Variants in ZRANB3 observed in about 807,000 individuals in gnomAD.
ZRANB3 encodes DNA annealing helicase and endonuclease ZRANB3.
A neutral mutation model predicts 133.8 loss-of-function variants in ZRANB3; 125 were observed. The ratio of observed to expected loss-of-function variants is 0.93; its 90% CI spans 0.81 to 1.08. The LOEUF (loss-of-function observed/expected upper bound fraction) is 1.08. Among genes scored for constraint, ZRANB3 ranks in the 50% least tolerant of loss-of-function variants. The probability of loss-of-function intolerance (pLI) is 0.00; values close to 1 mark genes in which losing one functional copy is unlikely to be tolerated. For missense variants in ZRANB3, 1,229 were observed against 1,275.5 expected (o/e 0.96, Z 0.56); for synonymous variants, 387 against 432.7 (o/e 0.89, Z 1.31).
chr2:135,249,938 G>A (rs1462094185), intron 12 of ZRANB3, among the ~76,000 whole-genome samples: 1 of 152,204 alleles, frequency 6.6e-6, no homozygotes. Context: ...ACCTGAAAAT[G>A]TGGAAGCGAC....
chr2:135,439,843 ACCAC>A (rs1191823022), intron 2 of ZRANB3, among the ~76,000 whole-genome samples: 6 of 152,190 alleles, frequency 3.9e-5, no homozygotes, highest in Non-Finnish European at 7.4e-5. Flanking sequence ...AAGTTTCAGA[ACCAC>A]TACATAGGAT....
chr2:135,376,025 A>T (rs1686414316), intron 3 of ZRANB3, among the ~76,000 whole-genome samples: 1 of 152,172 alleles, frequency 6.6e-6, no homozygotes, highest in African/African-American at 2.4e-5. Flanking sequence ...TATTAGAGTA[A>T]CCTTAATTCA....
At chr2:135,462,081 T>C (rs915213112) in intron 2 of ZRANB3, among the ~76,000 whole-genome samples, 5 of 152,246 alleles carry the variant, frequency 3.3e-5, no homozygotes, top group African/African-American at 1.2e-4. Flanking sequence ...CAATTTAAAG[T>C]AGACTAAAAA....
intron 2 of ZRANB3, among the ~76,000 whole-genome samples, chr2:135,451,122 G>C (rs1199958681): frequency 6.6e-6 from 1 of 152,178 alleles, no homozygotes; most frequent in Non-Finnish European, 1.5e-5. Flanking sequence ...AGTCCTATTT[G>C]ACGAAAGTTA....
chr2:135,215,999 G>A (rs907236664), intron 17 of ZRANB3, among the ~76,000 whole-genome samples: 15 of 151,802 alleles, frequency 9.9e-5, no homozygotes, highest in Admixed American at 2.6e-4. Context: ...AGAGAAACCC[G>A]TGATAAGAAT....
chr2:135,228,030 A>T lies in ZRANB3; in HGVS notation c.1955-15T>A, dbSNP rs1694827615. 1 of 1,491,812 alleles carries T rather than the reference A, an allele frequency of 6.7e-7. No homozygotes were observed. The highest frequency in any genetic ancestry group is 1.4e-5 in the African/African-American group (1 of 70,644). 92.4% of individuals were successfully genotyped at this position (1,491,812 alleles called of 1,614,324 possible). A position where few individuals can be genotyped will look rare whatever the true frequency, so the allele number is the denominator to read the frequency against. ...TATTTGCATAACTATTAAAATAAAAATTATTACAAAAATGTAATAATTTAC... is the reference window on the plus strand; with the variant it reads ...TATTTGCATAACTATTAAAATAAAATTTATTACAAAAATGTAATAATTTAC... On this transcript the variant is annotated splice_polypyrimidine_tract_variant and intron_variant, in intron 13 of 20. Transcript: ENST00000264159.
At chr2:135,313,661 T>G (rs1262183322) in intron 7 of ZRANB3, 56 bp from the exon 8 acceptor site, 1 of 1,125,128 alleles carries the variant, frequency 8.9e-7, no homozygotes, top group Non-Finnish European at 1.3e-6. Context: ...CAGAACAAAT[T>G]AATGCAATCA....
At chr2:135,433,937 C>T (rs555083788) in intron 2 of ZRANB3, among the ~76,000 whole-genome samples, 81 of 152,246 alleles carry the variant, frequency 5.3e-4, no homozygotes, top group African/African-American at 1.8e-3. Context: ...GCGGAGGTTG[C>T]GGTGAGTTGA....
intron 2 of ZRANB3, among the ~76,000 whole-genome samples, chr2:135,421,220 T>C (rs1388233976): frequency 6.6e-6 from 1 of 152,180 alleles, no homozygotes; most frequent in East Asian, 1.9e-4. Flanking sequence ...ACTGAACTGC[T>C]TGTAAAATTC....
At chr2:135,410,887 C>T (rs972404539) in intron 2 of ZRANB3, among the ~76,000 whole-genome samples, 3 of 152,070 alleles carry the variant, frequency 2.0e-5, no homozygotes, top group African/African-American at 7.2e-5. Context: ...TTGACGAATG[C>T]AAACTAAAAC....
rs900527075 is a variant in ZRANB3, at chr2:135,208,959, C to T, written c.2515G>A (p.Val839Ile). 2.5e-6 allele frequency: 4 copies of T among 1,613,938 alleles called. No homozygotes were observed. The highest frequency in any genetic ancestry group is 2.5e-6 in the Non-Finnish European group (3 of 1,179,846). ...CTKRYITKED[V>I]AVASMDKVKN... is the part of the protein sequence containing the mutation. ...ACTTTGTCCATTGAGGCTACGGCAA[C>T]ATCTTCTTTGGTTATGTATCTAAAA... The change falls in exon 18 of 21, where the codon GTT becomes ATT. Residue 839 changes from valine to isoleucine, a missense_variant. Coordinates refer to ENST00000264159, the MANE Select transcript of ZRANB3 (RefSeq NM_032143.4).
chr2:135,398,584 T>C (rs566520861), intron 2 of ZRANB3, among the ~76,000 whole-genome samples: 10 of 148,488 alleles, frequency 6.7e-5, no homozygotes, highest in African/African-American at 2.6e-4. Context: ...AGTGGCGCTA[T>C]CTCGGCTCAC....
intron 2 of ZRANB3, among the ~76,000 whole-genome samples, chr2:135,436,947 G>C (rs1455464499): frequency 2.0e-5 from 3 of 152,132 alleles, no homozygotes; most frequent in African/African-American, 7.2e-5. Context: ...ATCAATACTA[G>C]AATGGATAAA....
intron 2 of ZRANB3, among the ~76,000 whole-genome samples, chr2:135,475,325 C>A (rs1280216812): frequency 1.3e-5 from 2 of 152,204 alleles, no homozygotes; most frequent in African/African-American, 4.8e-5. Flanking sequence ...CCTCTTCCTG[C>A]CCTCCATCCA....
chr2:135,369,465 C>T (rs1225271282), intron 3 of ZRANB3, among the ~76,000 whole-genome samples: 1 of 152,086 alleles, frequency 6.6e-6, no homozygotes, highest in Non-Finnish European at 1.5e-5. Flanking sequence ...AACTTCTGAA[C>T]CACTGATGAG....
chr2:135,285,602 C>T (rs1210417926), intron 8 of ZRANB3, among the ~76,000 whole-genome samples: 1 of 152,182 alleles, frequency 6.6e-6, no homozygotes, highest in Non-Finnish European at 1.5e-5. Flanking sequence ...ATAAGGAAAA[C>T]GTGTTTAAAG....
chr2:135,219,180 T>TAATCTATCATCAG lies in ZRANB3; in HGVS notation c.2251-3_2251-2insCTGATGATAGATT. Reference sequence around the variant, plus strand: ...ATTACAGCTCATCTGTTTTCCATCCTGATGATAGATTAGGAAGACACTAAT... The same window carrying TAATCTATCATCAG: ...ATTACAGCTCATCTGTTTTCCATCCTAATCTATCATCAGGATGATAGATTAGGAAGACACTAAT... On this transcript the variant is annotated splice_polypyrimidine_tract_variant and splice_region_variant and intron_variant, in intron 15 of 20. Coordinates refer to ENST00000264159, the MANE Select transcript of ZRANB3 (RefSeq NM_032143.4). 1 of 1,510,540 alleles carries TAATCTATCATCAG rather than the reference T, an allele frequency of 6.6e-7. No homozygotes were observed. The highest frequency in any genetic ancestry group is 8.8e-7 in the Non-Finnish European group (1 of 1,134,016). The allele number at this position is 1,510,540 out of a possible 1,614,324, so 93.6% of individuals were successfully genotyped here.
Position 135,202,861 on chromosome 2 carries a change from G to A in ZRANB3, c.3112C>T (p.Gln1038Ter), listed in dbSNP as rs1200595448. 1.9e-6 allele frequency: 3 copies of A among 1,609,780 alleles called. No homozygotes were observed. Among genetic ancestry groups the A allele is most frequent in the African/African-American group, 1.3e-5 (1 of 74,886 alleles). Residue 1038 changes from glutamine (Q) to a stop codon, truncating the protein, a stop_gained, in exon 20 of 21, where the codon CAG becomes TAG. Coordinates refer to ENST00000264159, the MANE Select transcript of ZRANB3 (RefSeq NM_032143.4). LOFTEE classifies it high-confidence loss of function. ...GGGQCSLDNL[Q>*]TLCTVCHKER... ...TTGTGACAGACTGTGCAGAGAGTCTGCAGGTTGTCCAGGGAACACTGTCCT... is the reference window on the plus strand; with the variant it reads ...TTGTGACAGACTGTGCAGAGAGTCTACAGGTTGTCCAGGGAACACTGTCCT...
intron 2 of ZRANB3, among the ~76,000 whole-genome samples, chr2:135,483,705 G>C (rs1191656314): frequency 1.3e-5 from 2 of 152,058 alleles, no homozygotes; most frequent in African/African-American, 4.8e-5. Context: ...TGTGATGTTA[G>C]GGTGTCAATT....
Sources: gnomAD v4.1 joint callset for allele counts (sites outside exome capture counted in the v4.1 genomes callset) on GRCh38, gnomAD v4.1.1 for gene constraint, MANE v1.5 for transcripts, NCBI Gene and HGNC (gene_info 2026-07-23, HGNC 2026-07-21) for gene names.